RFX3: variants seen among roughly 807,000 people sequenced by gnomAD.
RFX3 encodes transcription factor RFX3.
RFX3 carries 14 observed loss-of-function variants against 98.6 expected under a neutral mutation model. That is an observed-to-expected ratio of 0.14 (90% CI 0.09 to 0.22). RFX3 has a LOEUF of 0.22. Among genes scored for constraint, RFX3 ranks in the 10% least tolerant of loss-of-function variants. The pLI is 1.00. For synonymous variants in RFX3, 383 were observed against 328.4 expected (o/e 1.17, Z -1.80); for missense variants, 639 against 926.9 (o/e 0.69, Z 4.03).
At chr9:3,247,183 A>G (rs1820790683) in intron 15 of RFX3, 3 of 985,438 alleles carry the variant, frequency 3.0e-6, no homozygotes, top group African/African-American at 3.5e-5. Flanking sequence ...CCTGCATTCA[A>G]TATAACAAAA....
chr9:3,260,397 C>T (rs148514243), intron 13 of RFX3, among the ~76,000 whole-genome samples: 89 of 151,778 alleles, frequency 5.9e-4, no homozygotes, highest in African/African-American at 2.1e-3. Flanking sequence ...ATGCTTATAA[C>T]CAGGGAAGAA....
intron 1 of RFX3, among the ~76,000 whole-genome samples, chr9:3,451,068 T>C (rs966439052): frequency 4.6e-5 from 7 of 152,086 alleles, no homozygotes; most frequent in African/African-American, 1.4e-4. Flanking sequence ...TCCTGCAGTG[T>C]AGGAAAGCGA....
chr9:3,386,056 T>C (rs1186393143), intron 2 of RFX3, among the ~76,000 whole-genome samples: 1 of 152,168 alleles, frequency 6.6e-6, no homozygotes, highest in East Asian at 1.9e-4. Context: ...GAAGTTGGTG[T>C]TGGTTCTGAT....
intron 1 of RFX3, among the ~76,000 whole-genome samples, chr9:3,492,111 T>C (rs1156957840): frequency 1.3e-5 from 2 of 152,204 alleles, no homozygotes; most frequent in African/African-American, 2.4e-5. Flanking sequence ...TGCTTGGCAA[T>C]GTGCTAGAAG....
At chr9:3,240,760 C>A (rs532621282) in intron 15 of RFX3, among the ~76,000 whole-genome samples, 6 of 152,214 alleles carry the variant, frequency 3.9e-5, no homozygotes, top group Non-Finnish European at 8.8e-5. Flanking sequence ...CCAGCAACCA[C>A]TATCTTCACC....
chr9:3,453,759 A>G (rs370144917), intron 1 of RFX3: 1 of 152,726 alleles, frequency 6.5e-6, no homozygotes, highest in Non-Finnish European at 1.5e-5. Context: ...TAAAGCAACA[A>G]AAAATTCAAG....
intron 1 of RFX3, among the ~76,000 whole-genome samples, chr9:3,509,392 A>C (rs1222261834): frequency 6.6e-6 from 1 of 152,030 alleles, no homozygotes; most frequent in African/African-American, 2.4e-5. Context: ...AAGCACCTTT[A>C]CCCTCATCAA....
chr9:3,438,439 T>G (rs535443099), intron 1 of RFX3, among the ~76,000 whole-genome samples: 1 of 151,604 alleles, frequency 6.6e-6, no homozygotes, highest in Admixed American at 6.6e-5. Flanking sequence ...AAAAATATGG[T>G]GTAAAAACAG....
intron 1 of RFX3, among the ~76,000 whole-genome samples, chr9:3,517,868 T>TA (rs1392404764): frequency 6.6e-6 from 1 of 152,156 alleles, no homozygotes; most frequent in Non-Finnish European, 1.5e-5. Context: ...ATGGTAAGAA[T>TA]AACCATACAG....
intron 2 of RFX3, among the ~76,000 whole-genome samples, chr9:3,367,780 GA>G (rs1056726194): frequency 6.6e-6 from 1 of 152,172 alleles, no homozygotes; most frequent in Non-Finnish European, 1.5e-5. Flanking sequence ...AGGCTTTGGT[GA>G]AATACAAGGA....
chr9:3,418,232 A>T (rs1257907850), intron 1 of RFX3, among the ~76,000 whole-genome samples: 2 of 152,222 alleles, frequency 1.3e-5, no homozygotes, highest in Non-Finnish European at 2.9e-5. Context: ...AAATGGTATA[A>T]ATAGTTCTTA....
chr9:3,334,296 T>C (rs7035429), intron 3 of RFX3, among the ~76,000 whole-genome samples: 20,380 of 151,560 alleles, frequency 0.13, 1,422 homozygotes, highest in Middle Eastern at 0.19. Flanking sequence ...GTACTTGCAA[T>C]TGTAAAGAAG....
chr9:3,340,073 G>GA (rs1232456884), intron 3 of RFX3, among the ~76,000 whole-genome samples: 2 of 152,152 alleles, frequency 1.3e-5, no homozygotes, highest in African/African-American at 2.4e-5. Context: ...CAACGGAACA[G>GA]AACAGAGCCC....
At chr9:3,471,213 A>T (rs946133450) in intron 1 of RFX3, among the ~76,000 whole-genome samples, 1 of 152,194 alleles carries the variant, frequency 6.6e-6, no homozygotes, top group Non-Finnish European at 1.5e-5. Flanking sequence ...TGCTGCCATA[A>T]TAACAGCATC....
intron 1 of RFX3, among the ~76,000 whole-genome samples, chr9:3,417,305 A>T (rs985478783): frequency 6.6e-6 from 1 of 152,142 alleles, no homozygotes; most frequent in African/African-American, 2.4e-5. Context: ...GATATAAAAA[A>T]ATTTGAACAG....
intron 1 of RFX3, among the ~76,000 whole-genome samples, chr9:3,523,601 A>G (rs1440730590): frequency 1.3e-5 from 2 of 152,230 alleles, no homozygotes; most frequent in African/African-American, 2.4e-5. Flanking sequence ...ATATTAAACC[A>G]TAACATTATA....
rs182935415 is a variant in RFX3, at chr9:3,291,237, G to C, written c.731+1840C>G. ...AAAATTATCTGGGCGTGGTGGAGTG[G>C]GGTGGTGCCTGTAATCCGGGTTACT... On this transcript the variant is annotated intron_variant, in intron 6 of 16. Coordinates refer to ENST00000617270, the MANE Select transcript of RFX3 (RefSeq NM_001282116.2). Among the ~76,000 whole-genome samples the C allele has an allele frequency of 4.9e-4, 74 of 152,152 alleles. 1 individual carries two copies. In the East Asian group the frequency reaches 0.013, roughly 27 times the overall value.
At chr9:3,263,623 G>A (rs1404241207) in intron 12 of RFX3, among the ~76,000 whole-genome samples, 1 of 152,128 alleles carries the variant, frequency 6.6e-6, no homozygotes, top group Non-Finnish European at 1.5e-5. Flanking sequence ...ATTTTGAGGC[G>A]AGATTATCAG....
chr9:3,225,771 C>G (rs1448717924), intron 16 of RFX3, among the ~76,000 whole-genome samples: 1 of 152,038 alleles, frequency 6.6e-6, no homozygotes, highest in African/African-American at 2.4e-5. Context: ...ATTATTATTC[C>G]ATGTATAAAC....
Sources: gnomAD v4.1 joint callset for allele counts (sites outside exome capture counted in the v4.1 genomes callset) on GRCh38, gnomAD v4.1.1 for gene constraint, MANE v1.5 for transcripts, NCBI Gene and HGNC (gene_info 2026-07-23, HGNC 2026-07-21) for gene names.